Variants in TUBGCP3 observed in about 807,000 individuals in gnomAD.
TUBGCP3 encodes the protein tubulin gamma complex component 3.
A neutral mutation model predicts 123.1 loss-of-function variants in TUBGCP3; 50 were observed. That is an observed-to-expected ratio of 0.41 (90% CI 0.32 to 0.51). TUBGCP3 has a LOEUF of 0.51. TUBGCP3 is among the 20% of genes least tolerant of loss of function. The pLI is 0.36. For missense variants in TUBGCP3, 882 were observed against 1,127.0 expected, an observed-to-expected ratio of 0.78 and a Z score of 3.11; for synonymous variants, 405 against 413.9, an observed-to-expected ratio of 0.98 and a Z score of 0.26.
In TUBGCP3 at chr13:112,496,641, G is replaced by A. The variant is rs73566318; in HGVS notation, c.2448+2404C>T. The stretch of plus-strand genomic sequence containing the variant: ...CACTGTGACGGCTAACTGCCCAAGA[G>A]AACCTTCCACTCCCACACGGCCAGC... On this transcript the variant is annotated intron_variant, in intron 20 of 21. Transcript: ENST00000261965. Among the ~76,000 whole-genome samples, 928 of 152,260 alleles carry A rather than the reference G, an allele frequency of 6.1e-3. 4 individuals carry two copies. Among genetic ancestry groups the A allele is most frequent in the African/African-American group, 0.021 (887 of 41,534 alleles).
chr13:112,559,873 G>A (rs993309599), intron 3 of TUBGCP3, among the ~76,000 whole-genome samples: 3 of 152,190 alleles, frequency 2.0e-5, no homozygotes, highest in African/African-American at 4.8e-5. Flanking sequence ...AGGGGCTCAC[G>A]CCTGTAATCC....
chr13:112,526,964 C>T lies in TUBGCP3; in HGVS notation c.1533G>A (p.Lys511=). The change falls in exon 13 of 22, where the codon AAG becomes AAA. Residue 511 remains lysine (K), a synonymous_variant. Transcript: ENST00000261965. ...TACCGTCCTGGGGTGACTCTGCAGA[C>T]TTGGTCACAGCTATCATCTTTGTAG... ...TPTTKMIAVT[K]SAESPQDAAD... is the part of the protein sequence containing the mutation. 1 of 1,614,146 alleles carries T rather than the reference C, an allele frequency of 6.2e-7. No homozygotes were observed. Among genetic ancestry groups the T allele is most frequent in the South Asian group, 1.1e-5 (1 of 91,080 alleles).
intron 21 of TUBGCP3, among the ~76,000 whole-genome samples, 179 bp downstream of exon 21, chr13:112,489,402 C>A (rs1566525374): frequency 1.3e-5 from 2 of 152,272 alleles, no homozygotes; most frequent in Admixed American, 1.3e-4. Context: ...CTGCCCGGAG[C>A]CCAGGCATAC....
intron 13 of TUBGCP3, among the ~76,000 whole-genome samples, chr13:112,523,602 G>A (rs1876806182): frequency 1.3e-5 from 2 of 152,100 alleles, no homozygotes; most frequent in South Asian, 4.1e-4. Context: ...GATCTACGTA[G>A]TTTTAATGAC....
chr13:112,501,493 ATT>A (rs768851604), intron 19 of TUBGCP3, among the ~76,000 whole-genome samples: 1 of 152,170 alleles, frequency 6.6e-6, no homozygotes, highest in Non-Finnish European at 1.5e-5. Context: ...GCAATTCACA[ATT>A]TCTCTCAACA....
chr13:112,490,956 T>TTTC (rs1304617057), intron 20 of TUBGCP3, among the ~76,000 whole-genome samples: 1 of 152,220 alleles, frequency 6.6e-6, no homozygotes, highest in African/African-American at 2.4e-5. Context: ...TGGAAAATGA[T>TTTC]TTCCTTCAAG....
intron 3 of TUBGCP3, among the ~76,000 whole-genome samples, chr13:112,560,026 C>T (rs1227760032): frequency 1.3e-5 from 2 of 150,176 alleles, no homozygotes; most frequent in African/African-American, 2.5e-5. Context: ...CCCAGCTACT[C>T]GGGAGGCTGA....
chr13:112,544,224 C>G (rs9604352), intron 11 of TUBGCP3, among the ~76,000 whole-genome samples: 1 of 151,740 alleles, frequency 6.6e-6, no homozygotes. Flanking sequence ...GAGGCCAAGG[C>G]GGGCAGATCA....
At chr13:112,504,352 A>C (rs1023721307) in intron 18 of TUBGCP3, among the ~76,000 whole-genome samples, 189 bp from the exon 19 acceptor site, 7 of 151,962 alleles carry the variant, frequency 4.6e-5, no homozygotes, top group Admixed American at 2.0e-4. Flanking sequence ...GCTGGGAGTG[A>C]TGGTGGGCCC....
At chr13:112,597,992 T>C in the TUBGCP3 span, among the ~76,000 whole-genome samples, 1 of 152,098 alleles carries the variant, frequency 6.6e-6, no homozygotes, top group Non-Finnish European at 1.5e-5. Flanking sequence ...AGGAAAGCCA[T>C]GCCGAGGCAA....
At chr13:112,564,866 T>C (rs1364924955) in intron 3 of TUBGCP3, among the ~76,000 whole-genome samples, 1 of 152,224 alleles carries the variant, frequency 6.6e-6, no homozygotes, top group African/African-American at 2.4e-5. Context: ...CAATAAAAAC[T>C]CACAAATTCT....
chr13:112,510,652 A>C (rs1881619901), intron 17 of TUBGCP3, among the ~76,000 whole-genome samples: 1 of 152,164 alleles, frequency 6.6e-6, no homozygotes, highest in Non-Finnish European at 1.5e-5. Flanking sequence ...ACTCAGACTT[A>C]ATCCTGCAAC....
chr13:112,579,989 C>G (rs931289368), intron 1 of TUBGCP3, among the ~76,000 whole-genome samples: 23 of 152,182 alleles, frequency 1.5e-4, no homozygotes, highest in African/African-American at 5.3e-4. Flanking sequence ...TGGAACACTA[C>G]TCTGCAATGA....
At chr13:112,578,558 CAAAAAAAAAAAAAAAAA>C (rs71131496) in intron 1 of TUBGCP3, among the ~76,000 whole-genome samples, 2 of 24,914 alleles carry the variant, frequency 8.0e-5, no homozygotes, top group South Asian at 2.7e-3. Flanking sequence ...GACTCCGTCT[CAAAAAAAAAAAAAAAAA>C]AAAAAAAAAA....
the TUBGCP3 span, among the ~76,000 whole-genome samples, chr13:112,594,740 T>C: frequency 6.6e-6 from 1 of 152,228 alleles, no homozygotes; most frequent in South Asian, 2.1e-4. Flanking sequence ...TTGCTGAGCT[T>C]TTGAATTTTG....
At chr13:112,541,028 CTT>C (rs1401251971) in intron 11 of TUBGCP3, among the ~76,000 whole-genome samples, 2 of 152,196 alleles carry the variant, frequency 1.3e-5, no homozygotes, top group South Asian at 4.1e-4. Flanking sequence ...TAAGGGTCTG[CTT>C]TTGTCTCACC....
Position 112,545,937 on chromosome 13 carries a change from C to T in TUBGCP3, c.1169-72G>A, listed in dbSNP as rs1030251405. ...CATAGTACACACCAGTCACTTCTCA[C>T]CAACCAAAGACGCCCAAGTAATTGA... On this transcript the variant is annotated intron_variant, in intron 10 of 21. Coordinates refer to ENST00000261965, the MANE Select transcript of TUBGCP3 (RefSeq NM_006322.6). The surrounding 1 kb of genome is among the most constrained non-coding windows in gnomAD (Gnocchi z 4.1). 19 of 1,533,242 alleles carry T rather than the reference C, an allele frequency of 1.2e-5. No homozygotes were observed. In the Middle Eastern group the frequency reaches 1.3e-3, roughly 109 times the overall value. The allele number at this position is 1,533,242 out of a possible 1,614,324, so 95.0% of individuals were successfully genotyped here.
chr13:112,597,384 A>G, the TUBGCP3 span, among the ~76,000 whole-genome samples: 2 of 152,250 alleles, frequency 1.3e-5, no homozygotes, highest in African/African-American at 4.8e-5. Flanking sequence ...TCCCCATTAG[A>G]GAAATAAAAC....
At chr13:112,547,500 A>C in intron 10 of TUBGCP3, 120 bp downstream of exon 10, 1 of 1,329,630 alleles carries the variant, frequency 7.5e-7, no homozygotes. Context: ...AGCGAGTGCC[A>C]GACGCGCGTG....
Sources: allele counts gnomAD v4.1 joint callset (sites outside exome capture counted in the v4.1 genomes callset), GRCh38; gene constraint gnomAD v4.1.1; non-coding constraint Gnocchi (gnomAD v3.1); transcripts MANE v1.5; gene names NCBI Gene and HGNC (gene_info 2026-07-23, HGNC 2026-07-21).